SLC5A1: variants seen among roughly 807,000 people sequenced by gnomAD.
SLC5A1 encodes the protein sodium/glucose cotransporter 1.
A neutral mutation model predicts 73.5 loss-of-function variants in SLC5A1; 42 were observed. The observed-to-expected ratio is 0.57, with a 90% CI of 0.45 to 0.74. The LOEUF is 0.74. Among genes scored for constraint, SLC5A1 ranks in the 30% least tolerant of loss-of-function variants. The pLI, the probability that SLC5A1 is intolerant of heterozygous loss-of-function variation, is 0.00. For missense variants in SLC5A1, 634 were observed against 855.4 expected, an observed-to-expected ratio of 0.74 and a Z score of 3.23; for synonymous variants, 300 against 317.4, an observed-to-expected ratio of 0.95 and a Z score of 0.58.
At chr22:32,054,861 G>T (rs2093949474) in intron 2 of SLC5A1, among the ~76,000 whole-genome samples, 1 of 152,100 alleles carries the variant, frequency 6.6e-6, no homozygotes, top group African/African-American at 2.4e-5. Context: ...TTTTAGTAGA[G>T]ACAGGGTTTC....
chr22:32,053,031 T>G (rs577689230), intron 2 of SLC5A1, among the ~76,000 whole-genome samples: 1 of 152,306 alleles, frequency 6.6e-6, no homozygotes, highest in South Asian at 2.1e-4. Context: ...TTTAGGCTCA[T>G]GGGAGTAAAA....
chr22:32,110,487 G>C lies in SLC5A1; in HGVS notation c.*274G>C, dbSNP rs201504999. On this transcript the variant is annotated 3_prime_UTR_variant, in exon 15 of 15. Transcript: ENST00000266088. ...CCAGAAAAAGGCAGACTAAGAATCA[G>C]AAGCCATGTGATTGATGTCTGACGT... The C allele has an allele frequency of 4.7e-4, 237 of 501,660 alleles. 2 individuals carry two copies. Among genetic ancestry groups the C allele is most frequent in the South Asian group, 4.7e-3 (230 of 49,300 alleles). The allele number at this position is 501,660 out of a possible 1,614,324, so 31.1% of individuals were successfully genotyped here.
chr22:32,067,855 TTA>T, intron 3 of SLC5A1, 110 bp from the exon 4 acceptor site: 1 of 1,104,768 alleles, frequency 9.1e-7, no homozygotes, highest in Non-Finnish European at 1.4e-6. Context: ...TAACGGCTCC[TTA>T]GGGGAGAACA....
At chr22:32,079,327 G>T (rs5998231) in intron 5 of SLC5A1, among the ~76,000 whole-genome samples, 4,984 of 152,308 alleles carry the variant, frequency 0.033, 254 homozygotes, top group African/African-American at 0.11. Flanking sequence ...AATGACTCAT[G>T]CGAGGAAGAA....
chr22:32,070,813 A>G (rs2093981785), intron 5 of SLC5A1, among the ~76,000 whole-genome samples: 1 of 152,208 alleles, frequency 6.6e-6, no homozygotes, highest in Non-Finnish European at 1.5e-5. Context: ...TTGCTTGTAG[A>G]TTTTAGTGTG....
chr22:32,075,403 G>C (rs2093989300), intron 5 of SLC5A1, among the ~76,000 whole-genome samples: 1 of 152,038 alleles, frequency 6.6e-6, no homozygotes, highest in Non-Finnish European at 1.5e-5. Flanking sequence ...TGAGGGGATG[G>C]GATAGATCAT....
chr22:32,095,595 T>C (rs1046074746), intron 11 of SLC5A1, among the ~76,000 whole-genome samples: 3 of 152,240 alleles, frequency 2.0e-5, no homozygotes, highest in African/African-American at 7.2e-5. Context: ...CATTATATAA[T>C]GTTCCTCTTT....
chr22:32,110,557 C>T lies in SLC5A1; in HGVS notation c.*344C>T, dbSNP rs2094054805. On this transcript the variant is annotated 3_prime_UTR_variant, in exon 15 of 15. Transcript: ENST00000266088. The stretch of plus-strand genomic sequence containing the variant: ...TCCGGGTGTCAGTGTGGTTTATAAT[C>T]CTTGAATATTGTTTTAGAAACTTTG... 1 of 359,500 alleles carries T rather than the reference C, an allele frequency of 2.8e-6. No individual in the cohort carries two copies. The highest frequency in any genetic ancestry group is 2.6e-5 in the South Asian group (1 of 38,728). The allele number at this position is 359,500 out of a possible 1,614,324, so 22.3% of individuals were successfully genotyped here.
intron 2 of SLC5A1, among the ~76,000 whole-genome samples, chr22:32,062,516 A>G (rs2093964885): frequency 1.3e-5 from 2 of 152,198 alleles, no homozygotes; most frequent in South Asian, 4.1e-4. Context: ...CATACTTGTA[A>G]TGGCCTTTTG....
intron 2 of SLC5A1, among the ~76,000 whole-genome samples, chr22:32,065,634 T>C (rs2093971525): frequency 6.6e-6 from 1 of 152,260 alleles, no homozygotes; most frequent in Non-Finnish European, 1.5e-5. Context: ...ACAGCTGTTA[T>C]TAGTGCTTAA....
intron 2 of SLC5A1, among the ~76,000 whole-genome samples, chr22:32,055,818 T>C (rs1032581996): frequency 2.0e-5 from 3 of 152,236 alleles, no homozygotes; most frequent in African/African-American, 7.2e-5. Flanking sequence ...GGTCCAACCC[T>C]TGGCCCAAAG....
chr22:32,102,978 G>A (rs1428415319), intron 13 of SLC5A1, among the ~76,000 whole-genome samples: 1 of 152,100 alleles, frequency 6.6e-6, no homozygotes, highest in Admixed American at 6.6e-5. Context: ...TTTGTCAGTG[G>A]ACACTTAGAT....
intron 5 of SLC5A1, among the ~76,000 whole-genome samples, chr22:32,076,030 C>T (rs902382957): frequency 1.3e-5 from 2 of 152,050 alleles, no homozygotes; most frequent in Non-Finnish European, 2.9e-5. Context: ...TGGAAGGGCA[C>T]GGATGGTTTG....
intron 13 of SLC5A1, 69 bp from the exon 14 acceptor site, chr22:32,104,717 G>GC (rs201317467): frequency 0.03 from 36,133 of 1,194,632 alleles, 912 homozygotes; most frequent in African/African-American, 0.084. Flanking sequence ...ATATCTCTTT[G>GC]CCCCCCCAAC....
At chr22:32,099,614 G>A (rs1308420461) in intron 12 of SLC5A1, among the ~76,000 whole-genome samples, 1 of 151,322 alleles carries the variant, frequency 6.6e-6, no homozygotes, top group African/African-American at 2.4e-5. Context: ...TTTAATAGAG[G>A]TGAGGACTCA....
At chr22:32,075,160 C>T (rs1015816776) in intron 5 of SLC5A1, among the ~76,000 whole-genome samples, 1 of 150,582 alleles carries the variant, frequency 6.6e-6, no homozygotes, top group Non-Finnish European at 1.5e-5. Flanking sequence ...GATCCTCTTG[C>T]CTTGACCTCC....
chr22:32,049,855 A>G (rs1156571835), intron 1 of SLC5A1, 88 bp from the exon 2 acceptor site: 2 of 981,526 alleles, frequency 2.0e-6, no homozygotes, highest in African/African-American at 3.2e-5. Flanking sequence ...TGGGTAGAAG[A>G]AGGTGCACGA....
chr22:32,082,270 G>A, intron 6 of SLC5A1, among the ~76,000 whole-genome samples: 2 of 152,178 alleles, frequency 1.3e-5, no homozygotes, highest in East Asian at 3.8e-4. Context: ...TCAGAGCAGT[G>A]GCAGGTGCAG....
At chr22:32,105,647 C>T (rs1236145600) in intron 14 of SLC5A1, among the ~76,000 whole-genome samples, 1 of 152,074 alleles carries the variant, frequency 6.6e-6, no homozygotes, top group Non-Finnish European at 1.5e-5. Flanking sequence ...CTATAGCCAC[C>T]CTGTTGTGCT....
Sources: gnomAD v4.1 joint callset for allele counts (sites outside exome capture counted in the v4.1 genomes callset) on GRCh38, gnomAD v4.1.1 for gene constraint, MANE v1.5 for transcripts, NCBI Gene and HGNC (gene_info 2026-07-23, HGNC 2026-07-21) for gene names.